Variants in TENM4 observed in about 807,000 individuals in gnomAD.
TENM4 encodes the protein teneurin-4.
Under a neutral mutation model 243.3 loss-of-function variants are expected in TENM4, and 82 were observed. The ratio of observed to expected loss-of-function variants is 0.34; its 90% confidence interval spans 0.28 to 0.40. TENM4 has a LOEUF of 0.40. TENM4 is among the 10% of genes least tolerant of loss of function. The probability of loss-of-function intolerance (pLI) is 1.00; values close to 1 mark genes in which losing one functional copy is unlikely to be tolerated. For synonymous variants in TENM4, 1,412 were observed against 1,456.3 expected, an observed-to-expected ratio of 0.97 and a Z score of 0.69; for missense variants, 3,138 against 3,673.3, an observed-to-expected ratio of 0.85 and a Z score of 3.77.
rs148528670 is a variant in TENM4, at chr11:79,130,858, G to C, written c.-66+17852C>G. ...AAACAATCAAATTTCAGGAAACATT[G>C]GACACACTTATCAAAATGCAAAATG... On this transcript the variant is annotated intron_variant, in intron 4 of 33. Coordinates refer to ENST00000278550, the MANE Select transcript of TENM4 (RefSeq NM_001098816.3). 7.4e-4 allele frequency among the ~76,000 whole-genome samples: 113 copies of C among 151,952 alleles called. 1 individual carries two copies. The highest frequency in any genetic ancestry group is 6.8e-3 in the Middle Eastern group (2 of 294).
intron 15 of TENM4, among the ~76,000 whole-genome samples, chr11:78,789,139 C>T (rs181249742): frequency 6.6e-6 from 1 of 152,196 alleles, no homozygotes; most frequent in East Asian, 1.9e-4. Context: ...ATAGAATAGA[C>T]CTCTTACTAA....
chr11:79,393,882 G>T (rs1372736599), intron 1 of TENM4, among the ~76,000 whole-genome samples: 2 of 152,210 alleles, frequency 1.3e-5, no homozygotes, highest in African/African-American at 2.4e-5. Flanking sequence ...TGGCTGTCTG[G>T]CTCTGGCAGT....
At chr11:79,264,004 C>T (rs1056101988) in intron 2 of TENM4, among the ~76,000 whole-genome samples, 1 of 152,190 alleles carries the variant, frequency 6.6e-6, no homozygotes, top group African/African-American at 2.4e-5. Context: ...GCAGTTCAAA[C>T]CCACTTTGAT....
intron 2 of TENM4, chr11:79,269,585 C>G (rs1243301787): frequency 6.6e-6 from 1 of 152,446 alleles, no homozygotes; most frequent in East Asian, 1.9e-4. Flanking sequence ...TGCACCCCTA[C>G]CTGGGAGAGA....
chr11:79,052,900 C>G (rs138919624), intron 6 of TENM4, among the ~76,000 whole-genome samples: 143 of 152,336 alleles, frequency 9.4e-4, no homozygotes, highest in Non-Finnish European at 1.5e-3. Context: ...TGCTTAGAGA[C>G]CAGATATGTC....
chr11:79,197,887 C>T (rs12417838), intron 3 of TENM4, among the ~76,000 whole-genome samples: 15,312 of 151,878 alleles, frequency 0.1, 1,543 homozygotes, highest in East Asian at 0.4. Context: ...ACTGTGCTCC[C>T]GGTGGAAGGA....
intron 1 of TENM4, among the ~76,000 whole-genome samples, chr11:79,437,341 C>A (rs932181776): frequency 6.6e-6 from 1 of 152,228 alleles, no homozygotes; most frequent in Admixed American, 6.5e-5. Flanking sequence ...AGGGCTCCCC[C>A]GCTGAAAGCC....
chr11:79,349,281 G>T (rs140965920), intron 1 of TENM4, among the ~76,000 whole-genome samples: 1 of 152,216 alleles, frequency 6.6e-6, no homozygotes, highest in East Asian at 1.9e-4. Context: ...TCTTAAATTA[G>T]GTTGTCAGAA....
At chr11:79,260,769 A>T (rs1204973660) in intron 2 of TENM4, among the ~76,000 whole-genome samples, 1 of 152,186 alleles carries the variant, frequency 6.6e-6, no homozygotes, top group African/African-American at 2.4e-5. Flanking sequence ...TACTGCCAAA[A>T]GGGCCCTCCC....
chr11:78,708,487 G>A lies in TENM4; in HGVS notation c.4083C>T (p.Ile1361=), dbSNP rs997261111. The A allele has an allele frequency of 6.2e-7, 1 of 1,613,984 alleles. No homozygotes were observed. The highest frequency in any genetic ancestry group is 8.5e-7 in the Non-Finnish European group (1 of 1,179,864). Residue 1361 remains isoleucine, a synonymous_variant, in exon 27 of 34, where the codon ATC becomes ATT. Coordinates refer to ENST00000278550, the MANE Select transcript of TENM4 (RefSeq NM_001098816.3). The part of the protein sequence containing the change: ...RGITVDKFGL[I]YFVDGTMIRR... ...TGATCATGGTGCCATCCACGAAGTA[G>A]ATCAGCCCAAACTTGTCCACTGTAA...
chr11:78,898,951 G>C (rs1288545197), intron 7 of TENM4, among the ~76,000 whole-genome samples: 1 of 152,144 alleles, frequency 6.6e-6, no homozygotes, highest in Non-Finnish European at 1.5e-5. Flanking sequence ...GACATTTTCA[G>C]ACATTATCTT....
chr11:78,669,138 G>A lies in TENM4; in HGVS notation c.7207C>T (p.His2403Tyr). Residue 2403 changes from histidine to tyrosine, a missense_variant, in exon 32 of 34, where the codon CAT (histidine) becomes TAT (tyrosine). By Grantham distance (83) the His-to-Tyr change is moderately conservative. Coordinates refer to ENST00000278550, the MANE Select transcript of TENM4 (RefSeq NM_001098816.3). The surrounding 1 kb of genome is among the most constrained non-coding windows in gnomAD (Gnocchi z 6.4). ...NPNFQIIIGY[H>Y]GGLYDPLTKL... Reference sequence around the variant, plus strand: ...GTGAGTGGATCATAGAGGCCACCATGGTAGCCTATGATGATCTGAAAGTTG... The same window carrying A: ...GTGAGTGGATCATAGAGGCCACCATAGTAGCCTATGATGATCTGAAAGTTG... 3 of 1,613,660 alleles carry A rather than the reference G, an allele frequency of 1.9e-6. No individual in the cohort carries two copies. Among genetic ancestry groups the A allele is most frequent in the Non-Finnish European group, 2.5e-6 (3 of 1,179,724 alleles).
chr11:79,269,308 T>A (rs1031504209), intron 2 of TENM4, among the ~76,000 whole-genome samples: 1 of 152,250 alleles, frequency 6.6e-6, no homozygotes, highest in African/African-American at 2.4e-5. Flanking sequence ...TTTATTCTGT[T>A]TGTATTATTT....
At chr11:78,881,420 C>T (rs141774797) in intron 9 of TENM4, among the ~76,000 whole-genome samples, 15 of 152,146 alleles carry the variant, frequency 9.9e-5, no homozygotes, top group East Asian at 3.9e-4. Flanking sequence ...TTCCGTTCTC[C>T]GGCTCCCTCA....
chr11:78,986,598 T>C, intron 6 of TENM4, among the ~76,000 whole-genome samples: 1 of 152,216 alleles, frequency 6.6e-6, no homozygotes, highest in South Asian at 2.1e-4. Flanking sequence ...AGAGTCTCGC[T>C]CTGTCGTCCG....
intron 2 of TENM4, among the ~76,000 whole-genome samples, chr11:79,253,652 A>G (rs1286461773): frequency 1.3e-5 from 2 of 152,124 alleles, no homozygotes; most frequent in African/African-American, 4.8e-5. Flanking sequence ...TAAATAATTA[A>G]TCGCCCTGTT....
chr11:78,655,218 A>G lies in TENM4; in HGVS notation c.*2840T>C, dbSNP rs1271292834. On this transcript the variant is annotated 3_prime_UTR_variant, in exon 34 of 34. Transcript: ENST00000278550. ...ACTCAAAAGGGCCAAGGCCAGAAGCACCACCTTCAATACAACAGCACCAAT... is the reference window on the plus strand; with the variant it reads ...ACTCAAAAGGGCCAAGGCCAGAAGCGCCACCTTCAATACAACAGCACCAAT... The G allele has an allele frequency of 1.3e-5, 2 of 152,232 alleles. No individual in the cohort carries two copies. The highest frequency in any genetic ancestry group is 2.4e-5 in the African/African-American group (1 of 41,438). 9.4% of individuals were successfully genotyped at this position (152,232 alleles called of 1,614,324 possible).
At chr11:78,826,697 T>C (rs985370094) in intron 12 of TENM4, among the ~76,000 whole-genome samples, 13 of 152,206 alleles carry the variant, frequency 8.5e-5, no homozygotes, top group Admixed American at 5.9e-4. Context: ...CTTCTGTTTA[T>C]GTAGTGTTTT....
intron 21 of TENM4, 130 bp downstream of exon 21, chr11:78,732,186 A>G (rs1855684599): frequency 7.5e-7 from 1 of 1,326,084 alleles, no homozygotes; most frequent in East Asian, 2.5e-5. Flanking sequence ...TGGATTTTGC[A>G]TAACAGGCTG....
Sources: allele counts gnomAD v4.1 joint callset (sites outside exome capture counted in the v4.1 genomes callset), GRCh38; gene constraint gnomAD v4.1.1; non-coding constraint Gnocchi (gnomAD v3.1); transcripts MANE v1.5; gene names NCBI Gene and HGNC (gene_info 2026-07-23, HGNC 2026-07-21).